HDAC9: variants seen among roughly 807,000 people sequenced by gnomAD.
HDAC9 encodes the protein MEF-2 interacting transcription repressor (MITR) protein.
Under a neutral mutation model 139.4 loss-of-function variants are expected in HDAC9, and 41 were observed. The ratio of observed to expected loss-of-function variants is 0.29; its 90% confidence interval spans 0.23 to 0.38. The LOEUF (loss-of-function observed/expected upper bound fraction) is 0.38. Ranked by LOEUF, HDAC9 falls within the 10% of genes least tolerant of loss-of-function variation. The pLI is 1.00. For missense variants in HDAC9, 1,147 were observed against 1,297.0 expected (o/e 0.88, Z 1.78); for synonymous variants, 517 against 476.2 (o/e 1.09, Z -1.12).
intron 8 of HDAC9, among the ~76,000 whole-genome samples, chr7:18,641,485 TTAATC>T (rs1382896328): frequency 2.6e-5 from 4 of 152,122 alleles, no homozygotes; most frequent in African/African-American, 9.7e-5. Context: ...CCCAACACCA[TTAATC>T]TAAGACAGAG....
chr7:18,666,821 C>T (rs1337901730), intron 12 of HDAC9: 156 of 1,079,596 alleles, frequency 1.4e-4, no homozygotes, highest in Non-Finnish European at 1.7e-4. Context: ...AAAACAAATT[C>T]ACTGTTATTT....
intron 2 of HDAC9, among the ~76,000 whole-genome samples, chr7:18,238,332 C>T (rs899650826): frequency 2.0e-5 from 3 of 152,122 alleles, no homozygotes; most frequent in African/African-American, 7.2e-5. Context: ...AGAGTGAGTG[C>T]GTTGCTTGCA....
At chr7:18,813,427 CAGA>C (rs1794334986) in intron 17 of HDAC9, among the ~76,000 whole-genome samples, 1 of 146,158 alleles carries the variant, frequency 6.8e-6, no homozygotes, top group African/African-American at 2.5e-5. Flanking sequence ...ATCTCCAAAA[CAGA>C]TTCATATTTG....
At chr7:18,294,966 A>T (rs771772417) in intron 1 of HDAC9, among the ~76,000 whole-genome samples, 3 of 152,098 alleles carry the variant, frequency 2.0e-5, no homozygotes, top group Non-Finnish European at 4.4e-5. Context: ...GTGTTTAGCA[A>T]CTGGGTCTAG....
chr7:18,668,436 G>T (rs1430887334), intron 12 of HDAC9: 1 of 948,514 alleles, frequency 1.1e-6, no homozygotes, highest in African/African-American at 1.8e-5. Context: ...ATAAAAAAGG[G>T]ATAGTGCATC....
intron 24 of HDAC9, among the ~76,000 whole-genome samples, chr7:18,967,506 C>CCA (rs1491210553): frequency 5.1e-4 from 61 of 119,244 alleles, no homozygotes; most frequent in Middle Eastern, 4.4e-3. Context: ...GCCCCCCCCC[C>CCA]AAAAAAAAAA....
At chr7:18,514,276 A>G (rs1322774983) in intron 2 of HDAC9, among the ~76,000 whole-genome samples, 2 of 152,210 alleles carry the variant, frequency 1.3e-5, no homozygotes, top group East Asian at 3.8e-4. Context: ...GGAAAATTTG[A>G]CTATATGCCA....
At chr7:18,696,433 C>A (rs1327336446) in intron 12 of HDAC9, among the ~76,000 whole-genome samples, 2 of 147,408 alleles carry the variant, frequency 1.4e-5, no homozygotes, top group African/African-American at 5.0e-5. Flanking sequence ...CATTATGTAG[C>A]TATAGTTATA....
Position 18,996,510 on chromosome 7 carries a change from C to CTTGT in HDAC9, c.*451_*454dup, listed in dbSNP as rs1182076864. The stretch of plus-strand genomic sequence containing the variant: ...TAATTTGTTTTTCAAACAGTCTTAA[C>CTTGT]TTGTTTACAAGATTTGCTTTTAGCT... On this transcript the variant is annotated 3_prime_UTR_variant, in exon 26 of 26. Transcript: ENST00000686413. 2 of 157,054 alleles carry CTTGT rather than the reference C, an allele frequency of 1.3e-5. No individual in the cohort carries two copies. Among genetic ancestry groups the CTTGT allele is most frequent in the East Asian group, 3.7e-4 (2 of 5,362 alleles). 9.7% of individuals were successfully genotyped at this position (157,054 alleles called of 1,614,324 possible).
At chr7:18,285,471 T>C (rs1797374832), upstream of HDAC9, among the ~76,000 whole-genome samples, 1 of 152,114 alleles carries the variant, frequency 6.6e-6, no homozygotes, top group Non-Finnish European at 1.5e-5. Context: ...ATTTTTTTTC[T>C]TTTGAAATGA....
intron 2 of HDAC9, among the ~76,000 whole-genome samples, chr7:18,276,635 T>C (rs1278010542): frequency 6.6e-6 from 1 of 152,196 alleles, no homozygotes; most frequent in Non-Finnish European, 1.5e-5. Flanking sequence ...CTAGAGGGCA[T>C]AGGCTTTAAT....
chr7:18,825,232 G>A (rs1477988877), intron 17 of HDAC9, among the ~76,000 whole-genome samples: 1 of 152,210 alleles, frequency 6.6e-6, no homozygotes, highest in Non-Finnish European at 1.5e-5. Context: ...TCATAAGACT[G>A]GTGGCCTTGC....
At chr7:18,221,106 C>CTTTTTTTTTTTTTTTTT (rs537033538) in intron 2 of HDAC9, among the ~76,000 whole-genome samples, 44 of 139,636 alleles carry the variant, frequency 3.2e-4, no homozygotes, top group African/African-American at 1.1e-3. Context: ...ATTTCTATTC[C>CTTTTTTTTTTTTTTTTT]TTTTTTTTTT....
intron 2 of HDAC9, among the ~76,000 whole-genome samples, chr7:18,225,379 C>A (rs1281806390): frequency 6.6e-6 from 1 of 152,168 alleles, no homozygotes; most frequent in African/African-American, 2.4e-5. Context: ...CTGCTTATTG[C>A]ACATTTTGTT....
At chr7:18,427,762 C>T (rs901332662) in intron 1 of HDAC9, among the ~76,000 whole-genome samples, 2 of 151,590 alleles carry the variant, frequency 1.3e-5, no homozygotes, top group Admixed American at 6.6e-5. Context: ...GTGAGACCCA[C>T]CCTCTTAACA....
chr7:18,910,864 A>T (rs533486620), intron 22 of HDAC9, among the ~76,000 whole-genome samples: 3 of 151,466 alleles, frequency 2.0e-5, no homozygotes, highest in South Asian at 2.1e-4. Context: ...TTTGTTGAGG[A>T]TTTTTTTGCA....
chr7:18,124,812 C>G (rs911098057), intron 1 of HDAC9, among the ~76,000 whole-genome samples: 8 of 152,158 alleles, frequency 5.3e-5, no homozygotes, highest in Non-Finnish European at 1.2e-4. Flanking sequence ...CAACACACAA[C>G]CTCACTGCAT....
chr7:18,289,191 TG>T (rs1296496866), upstream of HDAC9, among the ~76,000 whole-genome samples: 1 of 152,216 alleles, frequency 6.6e-6, no homozygotes, highest in East Asian at 1.9e-4. Flanking sequence ...GTGCAGTTTT[TG>T]TTCTTCAAGA....
intron 17 of HDAC9, among the ~76,000 whole-genome samples, chr7:18,813,281 T>C (rs574123369): frequency 2.0e-5 from 3 of 152,256 alleles, no homozygotes; most frequent in South Asian, 2.1e-4. Flanking sequence ...TTTAATTCTT[T>C]TAAAAGTTTC....
Sources: allele counts gnomAD v4.1 joint callset (sites outside exome capture counted in the v4.1 genomes callset), GRCh38; gene constraint gnomAD v4.1.1; transcripts MANE v1.5; gene names NCBI Gene and HGNC (gene_info 2026-07-23, HGNC 2026-07-21).